Variants in QSOX2 observed in about 807,000 individuals in gnomAD.
The protein encoded by QSOX2 is quiescin sulfhydryl oxidase 2.
In QSOX2, 46 loss-of-function variants were observed where a neutral mutation model predicts 61.7. The ratio of observed to expected loss-of-function variants is 0.75; its 90% CI spans 0.59 to 0.95. The LOEUF is 0.95. Among genes scored for constraint, QSOX2 ranks in the 40% least tolerant of loss-of-function variants. The pLI is 0.00. For missense variants in QSOX2, 879 were observed against 918.9 expected, an observed-to-expected ratio of 0.96 and a Z score of 0.56; for synonymous variants, 383 against 388.4, an observed-to-expected ratio of 0.99 and a Z score of 0.16.
chr9:136,223,422 T>C lies in QSOX2; in HGVS notation c.675+341A>G, dbSNP rs1176678694. Among the ~76,000 whole-genome samples the C allele has an allele frequency of 6.6e-6, 1 of 152,154 alleles. No individual in the cohort carries two copies. Among genetic ancestry groups the C allele is most frequent in the Non-Finnish European group, 1.5e-5 (1 of 68,032 alleles). Reference sequence around the variant, plus strand: ...CAGAATACGGCAACGAAAAAAATCTTAGTAATAATGCATACAAAATACAGA... The same window carrying C: ...CAGAATACGGCAACGAAAAAAATCTCAGTAATAATGCATACAAAATACAGA... On this transcript the variant is annotated intron_variant, in intron 5 of 11. Transcript: ENST00000358701. The surrounding 1 kb of genome is among the most constrained non-coding windows in gnomAD (Gnocchi z 4.4).
At position 136,221,615 on chromosome 9, in the gene QSOX2, A is replaced by G. The variant is rs1831981473; in HGVS notation, c.821+181T>C. On this transcript the variant is annotated intron_variant, in intron 6 of 11. Coordinates refer to ENST00000358701, the MANE Select transcript of QSOX2 (RefSeq NM_181701.4). This position sits in a 1 kb window ranked among gnomAD's most constrained non-coding sequence, Gnocchi z 4.5. ...GCAGTGAGAAAACAGAAATCCACGA[A>G]AACACAGCACAGATCAGCAATACCC... is the stretch of plus-strand genomic sequence containing the variant. Among the ~76,000 whole-genome samples, 1 of 152,194 alleles carries G rather than the reference A, an allele frequency of 6.6e-6. No homozygotes were observed.
intron 7 of QSOX2, 26 bp from the exon 8 acceptor site, chr9:136,218,834 G>A (rs1300405481): frequency 6.2e-7 from 1 of 1,607,548 alleles, no homozygotes; most frequent in African/African-American, 1.3e-5. Flanking sequence ...GCAGCGTCAG[G>A]GAATGCCCAA....
rs1471320271 is a variant in QSOX2, at chr9:136,209,804, C to T, written c.1550-529G>A. 7.1e-6 allele frequency: 7 copies of T among 985,210 alleles called. No homozygotes were observed. The highest frequency in any genetic ancestry group is 1.7e-5 in the African/African-American group (1 of 57,242). 61.0% of individuals were successfully genotyped at this position (985,210 alleles called of 1,614,324 possible). On this transcript the variant is annotated intron_variant, in intron 11 of 11. Coordinates refer to ENST00000358701, the MANE Select transcript of QSOX2 (RefSeq NM_181701.4). The surrounding 1 kb of genome is among the most constrained non-coding windows in gnomAD (Gnocchi z 5.6). The stretch of plus-strand genomic sequence containing the variant: ...GAGGGGCAGCAATGAATTTCCACTG[C>T]ACTTCAGGTACACTGGCCCTTTCCG...
rs146525217 is a variant in QSOX2 at position 136,224,986 on chromosome 9, G to A, written c.430-77C>T. On this transcript the variant is annotated intron_variant, in intron 2 of 11. Transcript: ENST00000358701. Reference sequence around the variant, plus strand: ...CATGTGTTTAAGCAACAAAACGCCCGTCACCTTAGAGGGAGCTTTACTCAA... The same window carrying A: ...CATGTGTTTAAGCAACAAAACGCCCATCACCTTAGAGGGAGCTTTACTCAA... The A allele has an allele frequency of 4.0e-4, 419 of 1,054,888 alleles. 3 individuals are homozygous for A. In the East Asian group the frequency reaches 9.6e-3, roughly 24 times the overall value. The allele number at this position is 1,054,888 out of a possible 1,614,324, so 65.3% of individuals were successfully genotyped here.
At chr9:136,231,548 T>A (rs1035437259) in intron 1 of QSOX2, among the ~76,000 whole-genome samples, 1 of 152,252 alleles carries the variant, frequency 6.6e-6, no homozygotes, top group Non-Finnish European at 1.5e-5. Flanking sequence ...AAGGCAGGGA[T>A]CCGTGTCCAA....
chr9:136,222,173 C>T lies in QSOX2; in HGVS notation c.676-232G>A, dbSNP rs1830225530. On this transcript the variant is annotated intron_variant, in intron 5 of 11. Coordinates refer to ENST00000358701, the MANE Select transcript of QSOX2 (RefSeq NM_181701.4). The surrounding 1 kb of genome is among the most constrained non-coding windows in gnomAD (Gnocchi z 6.9). ...TTATTCGGCAATTTTACAAACTCAT[C>T]AAAGAAAACACTTATCCGCGAATTT... Among the ~76,000 whole-genome samples, 1 of 152,200 alleles carries T rather than the reference C, an allele frequency of 6.6e-6. No homozygotes were observed. Among genetic ancestry groups the T allele is most frequent in the Non-Finnish European group, 1.5e-5 (1 of 68,032 alleles).
rs1238300086 is a variant in QSOX2, at chr9:136,245,787, G to T, written c.17C>A (p.Ala6Glu). Reference protein sequence around the residue: MAAAGAAVARSPGIGA... With the variant: MAAAGEAVARSPGIGA... ...GATTCCCGGGCTGCGCGCCACCGCC[G>T]CCCCGGCCGCCGCCATGTTGGAAGT... Residue 6 changes from alanine to glutamate, a missense_variant, in exon 1 of 12, where the codon GCG (alanine) becomes GAG (glutamate). Coordinates refer to ENST00000358701, the MANE Select transcript of QSOX2 (RefSeq NM_181701.4). The T allele has an allele frequency of 1.7e-6, 2 of 1,153,788 alleles. No individual in the cohort carries two copies. The highest frequency in any genetic ancestry group is 2.1e-6 in the Non-Finnish European group (2 of 934,948). The allele number at this position is 1,153,788 out of a possible 1,614,324, so 71.5% of individuals were successfully genotyped here. A position where few individuals can be genotyped will look rare whatever the true frequency, so the allele number is the denominator to read the frequency against.
rs757304046 is a variant in QSOX2, at chr9:136,208,991, G to T, written c.1834C>A (p.Pro612Thr). 1.2e-5 allele frequency: 19 copies of T among 1,613,734 alleles called. No individual in the cohort carries two copies. The highest frequency in any genetic ancestry group is 1.6e-5 in the Non-Finnish European group (19 of 1,179,844). Reference protein sequence around the residue: ...GDRDTQSVRPPGALGPRPALP... With the variant: ...GDRDTQSVRPTGALGPRPALP... ...GCAGGCCTGGGGCCCAGTGCACCAG[G>T]TGGACGGACGCTCTGGGTGTCTCGG... The change falls in exon 12 of 12, where the codon CCT becomes ACT. Residue 612 changes from proline (P) to threonine (T), a missense_variant. Transcript: ENST00000358701.
At chr9:136,235,280 C>T (rs1016934030) in intron 1 of QSOX2, among the ~76,000 whole-genome samples, 3 of 152,256 alleles carry the variant, frequency 2.0e-5, no homozygotes, top group Non-Finnish European at 2.9e-5. Context: ...CCAACATGCC[C>T]ACTCAAAGGC....
chr9:136,239,430 C>T lies in QSOX2; in HGVS notation c.328+6046G>A, dbSNP rs940940654. ...GGATTACAGGCGGGAGCCACTGCCC[C>T]GGCCACTTCCTTGTTTTATTTGTCT... is the stretch of plus-strand genomic sequence containing the variant. On this transcript the variant is annotated intron_variant, in intron 1 of 11. Coordinates refer to ENST00000358701, the MANE Select transcript of QSOX2 (RefSeq NM_181701.4). Among the ~76,000 whole-genome samples the T allele has an allele frequency of 1.2e-4, 19 of 152,232 alleles. No individual in the cohort carries two copies. In the South Asian group the frequency reaches 1.4e-3, roughly 12 times the overall value.
At position 136,209,821 on chromosome 9, in the gene QSOX2, C is replaced by A; in HGVS notation, c.1550-546G>T. On this transcript the variant is annotated intron_variant, in intron 11 of 11. Transcript: ENST00000358701. The surrounding 1 kb of genome is among the most constrained non-coding windows in gnomAD (Gnocchi z 5.6). The stretch of plus-strand genomic sequence containing the variant: ...TTCCACTGCACTTCAGGTACACTGG[C>A]CCTTTCCGGACTACAAATCCCTTCA... 1 of 985,372 alleles carries A rather than the reference C, an allele frequency of 1.0e-6. No individual in the cohort carries two copies. The highest frequency in any genetic ancestry group is 1.2e-6 in the Non-Finnish European group (1 of 829,914). The allele number at this position is 985,372 out of a possible 1,614,324, so 61.0% of individuals were successfully genotyped here. A position where few individuals can be genotyped will look rare whatever the true frequency, so the allele number is the denominator to read the frequency against.
rs926840397 is a variant in QSOX2 at position 136,230,516 on chromosome 9, C to T, written c.329-3642G>A. On this transcript the variant is annotated intron_variant, in intron 1 of 11. Coordinates refer to ENST00000358701, the MANE Select transcript of QSOX2 (RefSeq NM_181701.4). ...CCCCACTCCCAACAAGCTCATCCAC[C>T]GCAGGGCGCTGCCCAAAAACACATG... is the stretch of plus-strand genomic sequence containing the variant. 1.8e-4 allele frequency among the ~76,000 whole-genome samples: 28 copies of T among 152,292 alleles called. No individual in the cohort carries two copies. In the South Asian group the frequency reaches 2.7e-3, roughly 15 times the overall value.
chr9:136,216,812 C>G, intron 8 of QSOX2, 90 bp from the exon 9 acceptor site: 2 of 1,509,598 alleles, frequency 1.3e-6, no homozygotes, highest in South Asian at 1.2e-5. Flanking sequence ...AAGAGAAGCA[C>G]TCCATCCGCA....
intron 1 of QSOX2, 102 bp downstream of exon 1, chr9:136,245,374 G>A: frequency 3.1e-6 from 3 of 958,556 alleles, no homozygotes; most frequent in Middle Eastern, 3.3e-4. Flanking sequence ...AAAGAAATAC[G>A]GGGGAGGGGC....
chr9:136,208,654 A>G lies in QSOX2; in HGVS notation c.*74T>C, dbSNP rs1831805940. On this transcript the variant is annotated 3_prime_UTR_variant, in exon 12 of 12. Coordinates refer to ENST00000358701, the MANE Select transcript of QSOX2 (RefSeq NM_181701.4). Reference sequence around the variant, plus strand: ...GTTTATAAAATCCCTGATCATAAATATTAAAGCTGCAGGTGGCACGGGGCA... The same window carrying G: ...GTTTATAAAATCCCTGATCATAAATGTTAAAGCTGCAGGTGGCACGGGGCA... 1 of 1,486,888 alleles carries G rather than the reference A, an allele frequency of 6.7e-7. No homozygotes were observed. The highest frequency in any genetic ancestry group is 1.4e-5 in the South Asian group (1 of 70,746). The allele number at this position is 1,486,888 out of a possible 1,614,324, so 92.1% of individuals were successfully genotyped here.
chr9:136,229,351 G>A (rs555606935), intron 1 of QSOX2, among the ~76,000 whole-genome samples: 181 of 152,348 alleles, frequency 1.2e-3, no homozygotes, highest in Non-Finnish European at 2.0e-3. Flanking sequence ...CAGCCCCGCC[G>A]TGGGCAGCTC....
intron 1 of QSOX2, among the ~76,000 whole-genome samples, chr9:136,239,220 T>C (rs1307835970): frequency 6.6e-6 from 1 of 152,226 alleles, no homozygotes; most frequent in East Asian, 1.9e-4. Context: ...TCTCACTCCG[T>C]CACCCAGGCT....
Position 136,227,002 on chromosome 9 carries a change from A to C in QSOX2, c.329-128T>G, listed in dbSNP as rs1236554810. 9 of 716,138 alleles carry C rather than the reference A, an allele frequency of 1.3e-5. No individual in the cohort carries two copies. The Admixed American group carries it at 1.6e-4, about 13-fold the overall frequency. 44.4% of individuals were successfully genotyped at this position (716,138 alleles called of 1,614,324 possible). A position where few individuals can be genotyped will look rare whatever the true frequency, so the allele number is the denominator to read the frequency against. Reference sequence around the variant, plus strand: ...GCCCACCTGCCCCCTCTAGGTCATCAGTTAGGCCCTCATCACACAGAGCGT... The same window carrying C: ...GCCCACCTGCCCCCTCTAGGTCATCCGTTAGGCCCTCATCACACAGAGCGT... On this transcript the variant is annotated intron_variant, in intron 1 of 11. Coordinates refer to ENST00000358701, the MANE Select transcript of QSOX2 (RefSeq NM_181701.4).
At position 136,222,975 on chromosome 9, in the gene QSOX2, G is replaced by A. The variant is rs182964821; in HGVS notation, c.675+788C>T. On this transcript the variant is annotated intron_variant, in intron 5 of 11. Transcript: ENST00000358701. The surrounding 1 kb of genome is among the most constrained non-coding windows in gnomAD (Gnocchi z 6.9). ...TGGCGTCACCATCAAACCTGGAGGG[G>A]GCGGTGCTGGGGTGCCAGGAGGGCA... is the stretch of plus-strand genomic sequence containing the variant. Among the ~76,000 whole-genome samples, 7 of 152,364 alleles carry A rather than the reference G, an allele frequency of 4.6e-5. No homozygotes were observed. The East Asian group carries it at 1.3e-3, about 29-fold the overall frequency.
Sources: gnomAD v4.1 joint callset for allele counts (sites outside exome capture counted in the v4.1 genomes callset) on GRCh38, gnomAD v4.1.1 for gene constraint, Gnocchi (gnomAD v3.1) non-coding constraint, MANE v1.5 for transcripts, NCBI Gene and HGNC (gene_info 2026-07-23, HGNC 2026-07-21) for gene names.